Variants in STRAP observed in about 807,000 individuals in gnomAD.
STRAP encodes the protein serine/threonine kinase receptor associated protein, also known as serine-threonine kinase receptor-associated protein.
Under a neutral mutation model 47.0 loss-of-function variants are expected in STRAP, and 16 were observed. That is an observed-to-expected ratio of 0.34 (90% CI 0.23 to 0.52). The LOEUF (loss-of-function observed/expected upper bound fraction) is 0.52. Among genes scored for constraint, STRAP ranks in the 20% least tolerant of loss-of-function variants. The probability of loss-of-function intolerance (pLI) is 0.96; values close to 1 mark genes in which losing one functional copy is unlikely to be tolerated. For missense variants in STRAP, 293 were observed against 420.0 expected (o/e 0.70, Z 2.64); for synonymous variants, 130 against 142.7 (o/e 0.91, Z 0.63).
chr12:15,888,558 G>C (rs906919995), intron 2 of STRAP, among the ~76,000 whole-genome samples: 2 of 152,150 alleles, frequency 1.3e-5, no homozygotes, highest in African/African-American at 4.8e-5. Flanking sequence ...GAGCATTCCT[G>C]TTAGATGGTC....
chr12:15,899,033 T>G (rs775042342), intron 7 of STRAP, among the ~76,000 whole-genome samples: 7 of 152,348 alleles, frequency 4.6e-5, no homozygotes, highest in Non-Finnish European at 1.0e-4. Flanking sequence ...TTACTTTTAT[T>G]TAATGCTAGT....
chr12:15,892,339 A>G (rs1353793144), intron 4 of STRAP, among the ~76,000 whole-genome samples: 1 of 152,240 alleles, frequency 6.6e-6, no homozygotes, highest in East Asian at 1.9e-4. Context: ...GAAATTCTTT[A>G]TGCATTCTCT....
intron 2 of STRAP, among the ~76,000 whole-genome samples, chr12:15,883,892 T>G (rs1367857696): frequency 6.6e-6 from 1 of 152,236 alleles, no homozygotes; most frequent in Non-Finnish European, 1.5e-5. Context: ...CCTAAATGAC[T>G]TATTCCGTAT....
rs140693042 is a variant in STRAP, at chr12:15,882,714, A to G, written c.7A>G (p.Met3Val). MA[M>V]RQTPLTCSGH... ...CGCTGGCTTCGCCGCCGCCATGGCA[A>G]TGAGACAGACGCCGCTCACCTGCTC... Residue 3 changes from methionine to valine, a missense_variant, in exon 1 of 10, where the codon ATG becomes GTG. Transcript: ENST00000419869. The G allele has an allele frequency of 1.6e-4, 260 of 1,610,812 alleles. No individual in the cohort carries two copies. The highest frequency in any genetic ancestry group is 2.7e-4 in the African/African-American group (20 of 75,046).
At chr12:15,885,488 C>CTTTAT (rs1947963040) in intron 2 of STRAP, among the ~76,000 whole-genome samples, 1 of 132,478 alleles carries the variant, frequency 7.5e-6, no homozygotes, top group East Asian at 2.1e-4. Flanking sequence ...CGTGCCTGGC[C>CTTTAT]TTTTTTTTTT....
chr12:15,896,105 G>C lies in STRAP; in HGVS notation c.638+609G>C, dbSNP rs751417805. Among the ~76,000 whole-genome samples, 3 of 151,728 alleles carry C rather than the reference G, an allele frequency of 2.0e-5. No individual in the cohort carries two copies. The highest frequency in any genetic ancestry group is 4.4e-5 in the Non-Finnish European group (3 of 67,938). ...AAAAATTAGCTGGGTGTGGTGGTGA[G>C]TACCTGTAATCCCAGCTACTTGGGA... On this transcript the variant is annotated intron_variant, in intron 6 of 9. Coordinates refer to ENST00000419869, the MANE Select transcript of STRAP (RefSeq NM_007178.4). The surrounding 1 kb of genome is among the most constrained non-coding windows in gnomAD (Gnocchi z 4.1).
intron 9 of STRAP, 23 bp from the exon 10 acceptor site, chr12:15,902,885 CTTTTTTTTT>C (rs71042274): frequency 1.2e-5 from 13 of 1,102,798 alleles, no homozygotes; most frequent in Admixed American, 1.0e-4. Flanking sequence ...ACTAATGTGA[CTTTTTTTTT>C]TTTTTTTTTT....
At chr12:15,882,860 G>A in intron 1 of STRAP, 41 bp downstream of exon 1, 1 of 1,574,180 alleles carries the variant, frequency 6.4e-7, no homozygotes, top group South Asian at 1.1e-5. Context: ...GGCTGGGACT[G>A]GGCTGAAAGG....
In STRAP at chr12:15,894,106, G is replaced by A. The variant is rs1476294209; in HGVS notation, c.463G>A (p.Asp155Asn). 6.2e-7 allele frequency: 1 copy of A among 1,613,596 alleles called. No individual in the cohort carries two copies. Among genetic ancestry groups the A allele is most frequent in the Admixed American group, 1.7e-5 (1 of 60,008 alleles). The change falls in exon 5 of 10, where the codon GAT (aspartate) becomes AAT (asparagine). Residue 155 changes from aspartate to asparagine, a missense_variant. This residue lies in a region of STRAP where 152 missense variants were observed against 183.0 expected (regional missense o/e 0.83). Transcript: ENST00000419869. This position sits in a 1 kb window ranked among gnomAD's most constrained non-coding sequence, Gnocchi z 4.9. ...AAAAAAAGCTCTGTGGTGCAGTGAGGATAAACAGATTCTTTCTGCTGATGA... is the reference window on the plus strand; with the variant it reads ...AAAAAAAGCTCTGTGGTGCAGTGAGAATAAACAGATTCTTTCTGCTGATGA... ...GIKKALWCSE[D>N]KQILSADDKT...
chr12:15,889,961 G>A lies in STRAP; in HGVS notation c.282G>A (p.Leu94=), dbSNP rs1472783748. ...GGGATGCTGTCTCAGGAGATGAATT[G>A]ATGACCCTGGCTCATAAACACATTG... is the stretch of plus-strand genomic sequence containing the variant. ...KVWDAVSGDE[L]MTLAHKHIVK... is the part of the protein sequence containing the mutation. Residue 94 remains leucine (L), a synonymous_variant, in exon 3 of 10, where the codon TTG becomes TTA. Coordinates refer to ENST00000419869, the MANE Select transcript of STRAP (RefSeq NM_007178.4). 6.2e-7 allele frequency: 1 copy of A among 1,613,748 alleles called. No homozygotes were observed.
rs1948002030 is a variant in STRAP, at chr12:15,890,089, G to A, written c.330+80G>A. On this transcript the variant is annotated intron_variant, in intron 3 of 9. Coordinates refer to ENST00000419869, the MANE Select transcript of STRAP (RefSeq NM_007178.4). This position sits in a 1 kb window ranked among gnomAD's most constrained non-coding sequence, Gnocchi z 4.5. ...TAATGCTTTTATACTTGATTGGTGT[G>A]TATATTTGATTGATATGTTTTGTGT... 1 of 1,222,936 alleles carries A rather than the reference G, an allele frequency of 8.2e-7. No individual in the cohort carries two copies. Among genetic ancestry groups the A allele is most frequent in the Non-Finnish European group, 1.2e-6 (1 of 832,468 alleles). 75.8% of individuals were successfully genotyped at this position (1,222,936 alleles called of 1,614,324 possible). A position where few individuals can be genotyped will look rare whatever the true frequency, so the allele number is the denominator to read the frequency against.
In STRAP at chr12:15,882,794, G is replaced by A. The variant is rs1465277642; in HGVS notation, c.87G>A (p.Gly29=). 1.2e-6 allele frequency: 2 copies of A among 1,613,700 alleles called. No homozygotes were observed. The highest frequency in any genetic ancestry group is 2.2e-5 in the South Asian group (2 of 90,918). ...DLAFSGITPY[G]YFLISACKDG... ...CCTTCAGTGGCATCACGCCTTATGGGTATTTCTTAATCAGCGCTTGCAAAG... is the reference window on the plus strand; with the variant it reads ...CCTTCAGTGGCATCACGCCTTATGGATATTTCTTAATCAGCGCTTGCAAAG... Residue 29 remains glycine (G), a synonymous_variant, in exon 1 of 10, where the codon GGG becomes GGA. Transcript: ENST00000419869.
intron 7 of STRAP, 88 bp downstream of exon 7, chr12:15,898,106 T>A: frequency 6.6e-6 from 7 of 1,062,430 alleles, no homozygotes; most frequent in South Asian, 2.1e-5. Context: ...ATATATATGT[T>A]ACATATATAT....
At chr12:15,895,219 C>G in intron 5 of STRAP, 140 bp from the exon 6 acceptor site, 1 of 664,660 alleles carries the variant, frequency 1.5e-6, no homozygotes, top group East Asian at 3.3e-5. Context: ...TTTTAATCAT[C>G]TGTAATTTGT....
intron 9 of STRAP, 41 bp downstream of exon 9, chr12:15,901,053 A>G: frequency 1.4e-6 from 2 of 1,454,458 alleles, no homozygotes; most frequent in South Asian, 1.5e-5. Context: ...GTCTTGGGGG[A>G]TTTAAAATTG....
chr12:15,896,504 A>T lies in STRAP; in HGVS notation c.638+1008A>T, dbSNP rs1948061284. On this transcript the variant is annotated intron_variant, in intron 6 of 9. Transcript: ENST00000419869. This position sits in a 1 kb window ranked among gnomAD's most constrained non-coding sequence, Gnocchi z 4.1. Reference sequence around the variant, plus strand: ...TGGTAGTTATATTTTCTGCTAGTCCATTTTTCTATGTTATATATGTGGGTG... The same window carrying T: ...TGGTAGTTATATTTTCTGCTAGTCCTTTTTTCTATGTTATATATGTGGGTG... 6.6e-6 allele frequency among the ~76,000 whole-genome samples: 1 copy of T among 151,410 alleles called. No individual in the cohort carries two copies. Among genetic ancestry groups the T allele is most frequent in the Admixed American group, 6.6e-5 (1 of 15,202 alleles).
Position 15,882,504 on chromosome 12 carries a change from T to C in STRAP, c.-204T>C. On this transcript the variant is annotated 5_prime_UTR_variant, in exon 1 of 10. Transcript: ENST00000419869. ...CTCCCTTTCCCTCCCTCGTCGACTG[T>C]TGCTTGCTGGTCGCAGACTCCCTGA... 3 of 527,508 alleles carry C rather than the reference T, an allele frequency of 5.7e-6. No homozygotes were observed. Among genetic ancestry groups the C allele is most frequent in the South Asian group, 2.1e-5 (1 of 47,050 alleles). The allele number at this position is 527,508 out of a possible 1,614,324, so 32.7% of individuals were successfully genotyped here.
chr12:15,886,746 T>A (rs1240266919), intron 2 of STRAP, among the ~76,000 whole-genome samples: 1 of 150,982 alleles, frequency 6.6e-6, no homozygotes, highest in East Asian at 1.9e-4. Flanking sequence ...TTAGAAACAA[T>A]TTTTTTTTCC....
At position 15,882,624 on chromosome 12, in the gene STRAP, G is replaced by A. The variant is rs2136105879; in HGVS notation, c.-84G>A. The A allele has an allele frequency of 8.4e-7, 1 of 1,193,152 alleles. No homozygotes were observed. The allele number at this position is 1,193,152 out of a possible 1,614,324, so 73.9% of individuals were successfully genotyped here. A position where few individuals can be genotyped will look rare whatever the true frequency, so the allele number is the denominator to read the frequency against. ...CCTAGTGTCAGGGCGGGGGCCTGGA[G>A]CAGCCCGAGGCACTGCAGCAGAAGA... On this transcript the variant is annotated 5_prime_UTR_variant, in exon 1 of 10. Transcript: ENST00000419869.
Sources: allele counts gnomAD v4.1 joint callset (sites outside exome capture counted in the v4.1 genomes callset), GRCh38; gene constraint gnomAD v4.1.1; regional missense constraint gnomAD v4.1.1; non-coding constraint Gnocchi (gnomAD v3.1); transcripts MANE v1.5; gene names NCBI Gene and HGNC (gene_info 2026-07-23, HGNC 2026-07-21).